DIP2C: variants seen among roughly 807,000 people sequenced by gnomAD.
DIP2C encodes disco-interacting protein 2 homolog C.
DIP2C carries 33 observed loss-of-function variants against 192.4 expected under a neutral mutation model. The ratio of observed to expected loss-of-function variants is 0.17; its 90% CI spans 0.13 to 0.23. The LOEUF is 0.23. DIP2C is among the 10% of genes least tolerant of loss of function. The pLI is 1.00. For missense variants in DIP2C, 1,537 were observed against 2,110.1 expected (o/e 0.73, Z 5.32); for synonymous variants, 979 against 864.1 (o/e 1.13, Z -2.33).
chr10:351,984 G>C (rs923913438), intron 24 of DIP2C, among the ~76,000 whole-genome samples: 4 of 152,188 alleles, frequency 2.6e-5, no homozygotes, highest in Non-Finnish European at 5.9e-5. Context: ...GCATGGACGC[G>C]TCTCAGAGAA....
intron 1 of DIP2C, among the ~76,000 whole-genome samples, chr10:561,306 TCA>T (rs1491289926): frequency 6.6e-6 from 1 of 152,162 alleles, no homozygotes; most frequent in Non-Finnish European, 1.5e-5. Context: ...TAAAGGGGAC[TCA>T]CAATGGATTG....
chr10:277,256 C>T lies in DIP2C; in HGVS notation c.*69G>A. 1 of 1,577,272 alleles carries T rather than the reference C, an allele frequency of 6.3e-7. No homozygotes were observed. Among genetic ancestry groups the T allele is most frequent in the South Asian group, 1.2e-5 (1 of 85,196 alleles). ...TCTGGTGAGTGTTGCCCTGTGTCTG[C>T]ACGCTTCAGTGGACACGGAGAACAA... On this transcript the variant is annotated 3_prime_UTR_variant, in exon 37 of 37. Coordinates refer to ENST00000280886, the MANE Select transcript of DIP2C (RefSeq NM_014974.3).
Position 314,538 on chromosome 10 carries a change from G to T in DIP2C, c.3925-4446C>A, listed in dbSNP as rs188828894. On this transcript the variant is annotated intron_variant, in intron 31 of 36. Transcript: ENST00000280886. Reference sequence around the variant, plus strand: ...AGGTTGGCCCTCCCTGTGCTGCACCGGATCACCCAGCAGCTGGACGCCGTC... The same window carrying T: ...AGGTTGGCCCTCCCTGTGCTGCACCTGATCACCCAGCAGCTGGACGCCGTC... 1.7e-3 allele frequency among the ~76,000 whole-genome samples: 265 copies of T among 152,304 alleles called. 1 individual carries two copies. The highest frequency in any genetic ancestry group is 5.8e-3 in the African/African-American group (242 of 41,570).
chr10:288,612 A>C (rs1021247607), intron 32 of DIP2C, among the ~76,000 whole-genome samples, 191 bp from the exon 33 acceptor site: 2 of 152,264 alleles, frequency 1.3e-5, no homozygotes, highest in Non-Finnish European at 2.9e-5. Context: ...CGAGGGCCAC[A>C]GAGAAGGCAG....
intron 29 of DIP2C, among the ~76,000 whole-genome samples, chr10:330,775 G>T (rs898347586): frequency 6.6e-6 from 1 of 151,564 alleles, no homozygotes; most frequent in Non-Finnish European, 1.5e-5. Flanking sequence ...CAAAGTGTTG[G>T]GATTACAGGC....
intron 1 of DIP2C, among the ~76,000 whole-genome samples, chr10:640,579 G>GGGGACGAGGGTGCGTGCC (rs1286797370): frequency 7.2e-5 from 11 of 152,194 alleles, no homozygotes; most frequent in Non-Finnish European, 1.5e-4. Flanking sequence ...AGACGCGACG[G>GGGGACGAGGGTGCGTGCC]GGGACGAGGG....
chr10:547,812 C>T (rs895835248), intron 1 of DIP2C, among the ~76,000 whole-genome samples: 7 of 152,066 alleles, frequency 4.6e-5, no homozygotes, highest in Non-Finnish European at 7.4e-5. Context: ...GGGATTTTAA[C>T]GCTGCCCTGC....
chr10:570,244 A>G (rs767109777), intron 1 of DIP2C, among the ~76,000 whole-genome samples: 1 of 152,134 alleles, frequency 6.6e-6, no homozygotes, highest in Non-Finnish European at 1.5e-5. Context: ...TATGTAGATC[A>G]TCTCATTTAA....
chr10:528,047 G>C (rs558678716), intron 1 of DIP2C, among the ~76,000 whole-genome samples: 46 of 152,300 alleles, frequency 3.0e-4, no homozygotes, highest in Middle Eastern at 6.8e-3. Flanking sequence ...GTGTCCTTGG[G>C]AATGTAGGGC....
chr10:634,894 C>T (rs1854743961), intron 1 of DIP2C, among the ~76,000 whole-genome samples: 1 of 152,160 alleles, frequency 6.6e-6, no homozygotes, highest in Non-Finnish European at 1.5e-5. Context: ...CTGTCCTCAC[C>T]GATCCATACC....
At chr10:474,428 A>G (rs10904306) in intron 2 of DIP2C, among the ~76,000 whole-genome samples, 126,542 of 152,096 alleles carry the variant, frequency 0.83, 55,844 homozygotes, top group Non-Finnish European at 0.96. Flanking sequence ...ACTCTTTCCC[A>G]TACCTTCCTG....
chr10:635,437 G>A (rs1420519907), intron 1 of DIP2C, among the ~76,000 whole-genome samples: 1 of 152,250 alleles, frequency 6.6e-6, no homozygotes, highest in Non-Finnish European at 1.5e-5. Flanking sequence ...CAGAGACCAG[G>A]GACTGGGCAG....
chr10:337,316 CACG>C (rs1957870156), intron 29 of DIP2C, among the ~76,000 whole-genome samples: 3 of 32,278 alleles, frequency 9.3e-5, no homozygotes, highest in Admixed American at 3.9e-4. Flanking sequence ...TGTGTGTGTG[CACG>C]TGTGTTGTGG....
rs1043512428 is a variant in DIP2C, at chr10:275,394, A to G, written c.*1931T>C. The G allele has an allele frequency of 2.6e-5, 4 of 152,180 alleles. No individual in the cohort carries two copies. The highest frequency in any genetic ancestry group is 4.4e-5 in the Non-Finnish European group (3 of 68,030). 9.4% of individuals were successfully genotyped at this position (152,180 alleles called of 1,614,324 possible). ...TCACACACAGCAATGAGGTCAAACA[A>G]TATTTCAAGAATCAAATGGTTTGTG... On this transcript the variant is annotated 3_prime_UTR_variant, in exon 37 of 37. Coordinates refer to ENST00000280886, the MANE Select transcript of DIP2C (RefSeq NM_014974.3).
intron 1 of DIP2C, among the ~76,000 whole-genome samples, chr10:607,949 AG>A (rs1422444355): frequency 2.6e-5 from 4 of 151,710 alleles, no homozygotes; most frequent in African/African-American, 9.7e-5. Flanking sequence ...TGGGTCCCAG[AG>A]GTGGCTGAGG....
At chr10:408,899 A>C in intron 9 of DIP2C, 27 bp downstream of exon 9, 2 of 1,610,448 alleles carry the variant, frequency 1.2e-6, no homozygotes, top group Non-Finnish European at 1.7e-6. Flanking sequence ...TGTGTTTTGT[A>C]GATCCAGCAG....
chr10:417,802 C>CTGCCTGCGCCTGT, intron 6 of DIP2C, among the ~76,000 whole-genome samples: 1 of 99,710 alleles, frequency 1.0e-5, no homozygotes, highest in Non-Finnish European at 2.0e-5. Flanking sequence ...GCCTCCCTGT[C>CTGCCTGCGCCTGT]CACCTGTTCC....
At chr10:282,120 G>A (rs1043613719) in intron 35 of DIP2C, 9 of 157,518 alleles carry the variant, frequency 5.7e-5, no homozygotes, top group South Asian at 2.0e-4. Flanking sequence ...TGGTATGGCC[G>A]TAGACAGAGA....
chr10:484,716 G>C (rs559987135), intron 2 of DIP2C: 3 of 1,546,554 alleles, frequency 1.9e-6, no homozygotes, highest in Non-Finnish European at 2.6e-6. Context: ...GATGGCACTC[G>C]GCGGGTGGCC....
Sources: allele counts gnomAD v4.1 joint callset (sites outside exome capture counted in the v4.1 genomes callset), GRCh38; gene constraint gnomAD v4.1.1; transcripts MANE v1.5; gene names NCBI Gene and HGNC (gene_info 2026-07-23, HGNC 2026-07-21).